Variants in SNAP23 observed in about 807,000 individuals in gnomAD.
The protein encoded by SNAP23 is synaptosomal-associated protein 23.
Under a neutral mutation model 29.0 loss-of-function variants are expected in SNAP23, and 11 were observed. The ratio of observed to expected loss-of-function variants is 0.38; its 90% CI spans 0.24 to 0.63. The LOEUF is 0.63. SNAP23 is among the 20% of genes least tolerant of loss of function. The probability of loss-of-function intolerance (pLI) is 0.58; values close to 1 mark genes in which losing one functional copy is unlikely to be tolerated. For synonymous variants in SNAP23, 60 were observed against 82.9 expected (o/e 0.72, Z 1.50); for missense variants, 220 against 253.9 (o/e 0.87, Z 0.91).
chr15:42,493,346 C>CTA (rs1241451862), upstream of SNAP23, among the ~76,000 whole-genome samples: 6 of 151,524 alleles, frequency 4.0e-5, no homozygotes, highest in African/African-American at 4.9e-5. Context: ...CTCTCTCTCT[C>CTA]TCTCTCTCTA....
At chr15:42,516,663 T>G (rs554912450) in intron 5 of SNAP23, among the ~76,000 whole-genome samples, 5 of 152,156 alleles carry the variant, frequency 3.3e-5, no homozygotes, top group Non-Finnish European at 5.9e-5. Flanking sequence ...TTCTTAGACA[T>G]TAATATTTCA....
chr15:42,530,199 A>G (rs1336832319), intron 7 of SNAP23, among the ~76,000 whole-genome samples: 2 of 152,162 alleles, frequency 1.3e-5, no homozygotes, highest in Non-Finnish European at 1.5e-5. Flanking sequence ...ATCACAGCTC[A>G]CTGCAGCCTG....
chr15:42,497,042 T>C (rs2057225202), intron 1 of SNAP23, among the ~76,000 whole-genome samples: 1 of 141,446 alleles, frequency 7.1e-6, no homozygotes, highest in African/African-American at 2.9e-5. Context: ...TTTCTTTCTT[T>C]CTTTTTTTTT....
intron 7 of SNAP23, among the ~76,000 whole-genome samples, chr15:42,530,125 G>A (rs187039397): frequency 5.3e-5 from 8 of 152,162 alleles, no homozygotes; most frequent in African/African-American, 1.9e-4. Context: ...GTTTTATTTT[G>A]TTAACTAATT....
At chr15:42,494,254 T>C (rs2057196625), upstream of SNAP23, among the ~76,000 whole-genome samples, 1 of 152,134 alleles carries the variant, frequency 6.6e-6, no homozygotes, top group Admixed American at 6.6e-5. Flanking sequence ...ACTACTAAGT[T>C]GTTTTTTTCA....
In SNAP23 at chr15:42,532,448, T is replaced by C. The variant is rs2057575746; in HGVS notation, c.*970T>C. The C allele has an allele frequency of 6.6e-6, 1 of 152,246 alleles. No homozygotes were observed. The highest frequency in any genetic ancestry group is 2.1e-4 in the South Asian group (1 of 4,834). The allele number at this position is 152,246 out of a possible 1,614,324, so 9.4% of individuals were successfully genotyped here. A position where few individuals can be genotyped will look rare whatever the true frequency, so the allele number is the denominator to read the frequency against. On this transcript the variant is annotated 3_prime_UTR_variant, in exon 8 of 8. Transcript: ENST00000249647. The stretch of plus-strand genomic sequence containing the variant: ...TGATTCATATATGTACATAAATCTG[T>C]GATCCCATTTCTTATTGCACCATTC...
chr15:42,513,066 A>G, intron 3 of SNAP23, 70 bp downstream of exon 3: 3 of 1,124,296 alleles, frequency 2.7e-6, no homozygotes, highest in South Asian at 1.3e-5. Context: ...TCTGGCTGGA[A>G]TTAGTATTAA....
chr15:42,500,631 C>G (rs1221983720), intron 1 of SNAP23, among the ~76,000 whole-genome samples: 2 of 152,078 alleles, frequency 1.3e-5, no homozygotes, highest in African/African-American at 4.8e-5. Context: ...CTCAGATGAT[C>G]TGCCTGCGTT....
At chr15:42,530,486 G>A (rs553709535) in intron 7 of SNAP23, among the ~76,000 whole-genome samples, 7 of 152,160 alleles carry the variant, frequency 4.6e-5, no homozygotes, top group African/African-American at 1.2e-4. Context: ...TTGGCCAACC[G>A]TGGTAGCTCA....
intron 1 of SNAP23, among the ~76,000 whole-genome samples, chr15:42,502,899 A>T (rs1445366537): frequency 6.6e-6 from 1 of 152,224 alleles, no homozygotes; most frequent in Non-Finnish European, 1.5e-5. Flanking sequence ...CTTGAAGACC[A>T]GGCGTTGGAC....
At chr15:42,511,253 G>A (rs1050379617) in intron 1 of SNAP23, among the ~76,000 whole-genome samples, 1 of 152,200 alleles carries the variant, frequency 6.6e-6, no homozygotes, top group Non-Finnish European at 1.5e-5. Flanking sequence ...CACTGGAGGG[G>A]AAGAGTCTAA....
upstream of SNAP23, chr15:42,495,138 T>C (rs1026282588): frequency 6.6e-6 from 1 of 152,236 alleles, no homozygotes; most frequent in Non-Finnish European, 1.5e-5. Flanking sequence ...TGGAAAACTC[T>C]AGCTCTTTCT....
rs532168093 is a variant in SNAP23, at chr15:42,507,006, A to G, written c.-14-4827A>G. ...CTAATTTTTTGATTATTTGTAGAGAACGGGTCTCACTATGTTGCCCAGGCT... is the reference window on the plus strand; with the variant it reads ...CTAATTTTTTGATTATTTGTAGAGAGCGGGTCTCACTATGTTGCCCAGGCT... On this transcript the variant is annotated intron_variant, in intron 1 of 7. Transcript: ENST00000249647. 4.6e-5 allele frequency among the ~76,000 whole-genome samples: 7 copies of G among 151,884 alleles called. No homozygotes were observed. The East Asian group carries it at 1.2e-3, about 25-fold the overall frequency.
chr15:42,513,514 C>A, intron 4 of SNAP23, 67 bp downstream of exon 4: 2 of 1,315,386 alleles, frequency 1.5e-6, no homozygotes, highest in Non-Finnish European at 2.2e-6. Flanking sequence ...TCAAATTAGC[C>A]ACATACAAAT....
chr15:42,509,769 C>T (rs1046107021), intron 1 of SNAP23, among the ~76,000 whole-genome samples: 3 of 152,068 alleles, frequency 2.0e-5, no homozygotes, highest in Non-Finnish European at 2.9e-5. Context: ...ACAGCTATGA[C>T]AGTAGAATTA....
In SNAP23 at chr15:42,515,063, C is replaced by T. The variant is rs901545013; in HGVS notation, c.149-174C>T. Among the ~76,000 whole-genome samples the T allele has an allele frequency of 6.6e-5, 10 of 152,186 alleles. No individual in the cohort carries two copies. The East Asian group carries it at 1.5e-3, about 23-fold the overall frequency. On this transcript the variant is annotated intron_variant, in intron 4 of 7. Transcript: ENST00000249647. ...GAGGCTAGGTGCCTCCGGATCAGTA[C>T]GTGAAAGATTGTTATCATGTTGAAT...
chr15:42,531,016 G>A (rs911833403), intron 7 of SNAP23, among the ~76,000 whole-genome samples: 1 of 152,158 alleles, frequency 6.6e-6, no homozygotes, highest in Non-Finnish European at 1.5e-5. Flanking sequence ...TAGGGTGTCT[G>A]AATCCAGATG....
At chr15:42,520,153 T>G (rs1262703492) in intron 5 of SNAP23, among the ~76,000 whole-genome samples, 2 of 148,958 alleles carry the variant, frequency 1.3e-5, no homozygotes, top group Non-Finnish European at 3.0e-5. Flanking sequence ...CAGGTTCAAG[T>G]GATTCTGCTG....
Position 42,515,260 on chromosome 15 carries a change from G to T in SNAP23, c.172G>T (p.Gly58Cys). ...AGAACAACTAAACCGCATAGAAGAA[G>T]GCTTGGACCAAATAAATAAGGACAT... ...QKEQLNRIEE[G>C]LDQINKDMRE... Residue 58 changes from glycine (G) to cysteine (C), a missense_variant, in exon 5 of 8, where the codon GGC becomes TGC. By Grantham distance (159) the Gly-to-Cys change is radical. Coordinates refer to ENST00000249647, the MANE Select transcript of SNAP23 (RefSeq NM_003825.4). 1.2e-6 allele frequency: 2 copies of T among 1,610,070 alleles called. No individual in the cohort carries two copies. The highest frequency in any genetic ancestry group is 1.3e-5 in the African/African-American group (1 of 74,766).
Sources: gnomAD v4.1 joint callset for allele counts (sites outside exome capture counted in the v4.1 genomes callset) on GRCh38, gnomAD v4.1.1 for gene constraint, MANE v1.5 for transcripts, NCBI Gene and HGNC (gene_info 2026-07-23, HGNC 2026-07-21) for gene names.